CCDC57: variants seen among roughly 807,000 people sequenced by gnomAD.
The protein encoded by CCDC57 is coiled-coil domain containing 57, also known as coiled-coil domain-containing protein 57.
Under a neutral mutation model 118.9 loss-of-function variants are expected in CCDC57, and 118 were observed. That is an observed-to-expected ratio of 0.99 (90% confidence interval 0.86 to 1.16). CCDC57 has a LOEUF of 1.16. CCDC57 is among the 50% of genes most tolerant of loss of function. CCDC57 has a pLI of 0.00. For synonymous variants in CCDC57, 527 were observed against 532.9 expected (o/e 0.99, Z 0.15); for missense variants, 1,300 against 1,320.7 (o/e 0.98, Z 0.24).
intron 11 of CCDC57, among the ~76,000 whole-genome samples, chr17:82,174,638 C>T (rs536686263): frequency 6.6e-6 from 1 of 152,354 alleles, no homozygotes; most frequent in Non-Finnish European, 1.5e-5. Flanking sequence ...CAGGATTCTT[C>T]TCAAAGAGAT....
intron 19 of CCDC57, chr17:82,113,908 T>C (rs1316376225): frequency 1.8e-5 from 10 of 545,890 alleles, no homozygotes; most frequent in Non-Finnish European, 3.3e-5. Flanking sequence ...ATTGTGCCAC[T>C]GCACTCTGGC....
intron 16 of CCDC57, among the ~76,000 whole-genome samples, chr17:82,141,591 G>A (rs1472076369): frequency 6.6e-6 from 1 of 152,108 alleles, no homozygotes; most frequent in Non-Finnish European, 1.5e-5. Context: ...TAGCACTCTC[G>A]CTGCACCTAT....
At position 82,128,475 on chromosome 17, in the gene CCDC57, G is replaced by A. The variant is rs758954712; in HGVS notation, c.2682+18C>T. ...ACACCCCACACAGCTGCACTTGCTC[G>A]GGCGCCGCCACTCTCACCTTCGGGC... is the stretch of plus-strand genomic sequence containing the variant. On this transcript the variant is annotated intron_variant, in intron 18 of 19. Transcript: ENST00000665763. 12 of 1,527,960 alleles carry A rather than the reference G, an allele frequency of 7.9e-6. No individual in the cohort carries two copies. Among genetic ancestry groups the A allele is most frequent in the Middle Eastern group, 2.3e-4 (1 of 4,394 alleles). 94.7% of individuals were successfully genotyped at this position (1,527,960 alleles called of 1,614,324 possible). A position where few individuals can be genotyped will look rare whatever the true frequency, so the allele number is the denominator to read the frequency against.
At chr17:82,152,790 GCAGGTGCTGCTGCCTTC>G (rs564019915) in intron 15 of CCDC57, among the ~76,000 whole-genome samples, 392 of 152,382 alleles carry the variant, frequency 2.6e-3, no homozygotes, top group Non-Finnish European at 4.0e-3. Context: ...TCCAGGGCTG[GCAGGTGCTGCTGCCTTC>G]CAGGTGCTGC....
At chr17:82,107,533 G>A (rs1568133649) in intron 19 of CCDC57, 1 of 470,954 alleles carries the variant, frequency 2.1e-6, no homozygotes, top group South Asian at 1.5e-5. Flanking sequence ...GAGGCCCCCA[G>A]GTAGGTGCGT....
intron 2 of CCDC57, among the ~76,000 whole-genome samples, chr17:82,203,060 G>A (rs2049184383): frequency 6.6e-6 from 1 of 152,258 alleles, no homozygotes; most frequent in African/African-American, 2.4e-5. Context: ...CAACGGGGGA[G>A]CTGGGGCCTG....
At position 82,196,635 on chromosome 17, in the gene CCDC57, G is replaced by A. The variant is rs185647411; in HGVS notation, c.517-1271C>T. On this transcript the variant is annotated intron_variant, in intron 4 of 19. Transcript: ENST00000665763. ...CACCTGCACAAAGCCCTTCATCACT[G>A]CTGCACCTGCACAGACGCAGCCCCT... Among the ~76,000 whole-genome samples the A allele has an allele frequency of 2.9e-4, 44 of 152,188 alleles. No individual in the cohort carries two copies. The East Asian group carries it at 6.6e-3, about 23-fold the overall frequency.
At chr17:82,152,337 A>T (rs2042161924) in intron 15 of CCDC57, 2 of 156,210 alleles carry the variant, frequency 1.3e-5, no homozygotes, top group African/African-American at 4.8e-5. Flanking sequence ...GACACCCCAC[A>T]ACCACCCTGC....
intron 7 of CCDC57, among the ~76,000 whole-genome samples, chr17:82,188,683 GCA>G (rs1309507748): frequency 6.6e-6 from 1 of 152,246 alleles, no homozygotes; most frequent in South Asian, 2.1e-4. Flanking sequence ...GGTGCATAGA[GCA>G]CAGTTTGATC....
In CCDC57 at chr17:82,118,637, G is replaced by A. The variant is rs1462012024; in HGVS notation, c.2899+9055C>T. On this transcript the variant is annotated intron_variant, in intron 19 of 19. Coordinates refer to ENST00000665763, the Ensembl canonical transcript of CCDC57. This position sits in a 1 kb window ranked among gnomAD's most constrained non-coding sequence, Gnocchi z 4.7. ...TGCAGGGGGTCGGCTTCAGAAGCAG[G>A]TATTTCTTTGGGGTGAGGTCAGACA... 3.3e-5 allele frequency among the ~76,000 whole-genome samples: 5 copies of A among 152,062 alleles called. No individual in the cohort carries two copies. The highest frequency in any genetic ancestry group is 5.9e-5 in the Non-Finnish European group (4 of 68,028).
intron 15 of CCDC57, chr17:82,153,566 G>T (rs6416859): frequency 2.0e-5 from 3 of 152,002 alleles, no homozygotes; most frequent in African/African-American, 4.8e-5. Flanking sequence ...ACAGTGACCT[G>T]GGGGGCAGGG....
intron 5 of CCDC57, 69 bp downstream of exon 4, chr17:82,195,194 G>T: frequency 1.8e-6 from 2 of 1,123,224 alleles, no homozygotes; most frequent in Non-Finnish European, 2.6e-6. Flanking sequence ...GAGATGACAG[G>T]TGTGAGCCAC....
chr17:82,157,587 G>C (rs2042829317), intron 15 of CCDC57, 161 bp downstream of exon 14: 4 of 1,436,236 alleles, frequency 2.8e-6, no homozygotes, highest in Non-Finnish European at 2.7e-6. Flanking sequence ...ATGGGGAGAG[G>C]GGGTGGAGCA....
chr17:82,133,818 C>T (rs1442828842), intron 17 of CCDC57, among the ~76,000 whole-genome samples: 1 of 151,942 alleles, frequency 6.6e-6, no homozygotes, highest in African/African-American at 2.4e-5. Context: ...CGAGATTGCA[C>T]CACTGCACTC....
chr17:82,178,925 T>C, intron 10 of CCDC57, 102 bp downstream of exon 9: 1 of 1,337,224 alleles, frequency 7.5e-7, no homozygotes, highest in Non-Finnish European at 1.0e-6. Context: ...GTTTAGTGTT[T>C]TCAAATTTAA....
In CCDC57 at chr17:82,152,990, C is replaced by T. The variant is rs188142038; in HGVS notation, c.2242-1217G>A. ...TGGTGCCGCAGGCCCCAGCTGAGGA[C>T]GGGTGCAGGGCAGCCCCCATGAAGG... On this transcript the variant is annotated intron_variant, in intron 15 of 19. Coordinates refer to ENST00000665763, the Ensembl canonical transcript of CCDC57. Among the ~76,000 whole-genome samples, 306 of 152,314 alleles carry T rather than the reference C, an allele frequency of 2.0e-3. 1 individual carries two copies. Among genetic ancestry groups the T allele is most frequent in the African/African-American group, 7.1e-3 (295 of 41,572 alleles).
chr17:82,126,781 A>C, intron 19 of CCDC57: 1 of 985,452 alleles, frequency 1.0e-6, no homozygotes. Flanking sequence ...TAAGGTTACT[A>C]TTCTAACAGT....
intron 16 of CCDC57, 49 bp downstream of exon 15, chr17:82,151,511 C>G: frequency 6.5e-7 from 1 of 1,534,678 alleles, no homozygotes; most frequent in Non-Finnish European, 8.8e-7. Flanking sequence ...AGGTGCACAC[C>G]CAGAACCTGA....
chr17:82,174,299 G>A (rs2146303867), intron 11 of CCDC57, among the ~76,000 whole-genome samples: 1 of 152,372 alleles, frequency 6.6e-6, no homozygotes, highest in East Asian at 1.9e-4. Context: ...GCTCAGGGGT[G>A]GAGAGGATGC....
Sources: allele counts gnomAD v4.1 joint callset (sites outside exome capture counted in the v4.1 genomes callset), GRCh38; gene constraint gnomAD v4.1.1; non-coding constraint Gnocchi (gnomAD v3.1); transcripts MANE v1.5; gene names NCBI Gene and HGNC (gene_info 2026-07-23, HGNC 2026-07-21).